Variants in PLXDC2 observed in about 807,000 individuals in gnomAD.
PLXDC2 encodes the protein plexin domain containing 2.
In PLXDC2, 40 loss-of-function variants were observed where a neutral mutation model predicts 68.9. That is an observed-to-expected ratio of 0.58 (90% CI 0.45 to 0.76). The LOEUF (loss-of-function observed/expected upper bound fraction) is 0.76, where lower values mean the gene tolerates loss of function less well. Ranked by LOEUF, PLXDC2 falls within the 30% of genes least tolerant of loss-of-function variation. PLXDC2 has a pLI of 0.00. For synonymous variants in PLXDC2, 243 were observed against 234.2 expected (o/e 1.04, Z -0.34); for missense variants, 644 against 661.9 (o/e 0.97, Z 0.30).
intron 1 of PLXDC2, among the ~76,000 whole-genome samples, chr10:19,858,154 T>C (rs1329866299): frequency 6.6e-6 from 1 of 152,078 alleles, no homozygotes; most frequent in Non-Finnish European, 1.5e-5. Context: ...CAAGAACAGT[T>C]TAGAGTTGCT....
chr10:19,846,752 C>G, intron 1 of PLXDC2, among the ~76,000 whole-genome samples: 1 of 152,142 alleles, frequency 6.6e-6, no homozygotes, highest in East Asian at 1.9e-4. Context: ...CATAGTTGAT[C>G]TGGCATCAAG....
At chr10:20,263,820 CAG>C (rs1404975455) in intron 13 of PLXDC2, among the ~76,000 whole-genome samples, 1 of 152,126 alleles carries the variant, frequency 6.6e-6, no homozygotes, top group Admixed American at 6.6e-5. Flanking sequence ...CAAAAAATAA[CAG>C]ATGCTGGTGA....
At chr10:20,034,033 G>A (rs981312721) in intron 2 of PLXDC2, among the ~76,000 whole-genome samples, 13 of 152,214 alleles carry the variant, frequency 8.5e-5, no homozygotes, top group Non-Finnish European at 1.6e-4. Flanking sequence ...TGTGCAAGAC[G>A]TGAAAAAGTT....
intron 4 of PLXDC2, among the ~76,000 whole-genome samples, chr10:20,124,006 G>GC (rs1257925439): frequency 1.5e-4 from 22 of 151,682 alleles, no homozygotes; most frequent in Non-Finnish European, 2.8e-4. Context: ...GGGGTTTCTT[G>GC]CCCCCCAGAA....
chr10:20,113,004 T>A (rs1174765025), intron 4 of PLXDC2, among the ~76,000 whole-genome samples: 2 of 152,258 alleles, frequency 1.3e-5, no homozygotes, highest in African/African-American at 2.4e-5. Flanking sequence ...TGCATCTTCA[T>A]CTTATCAGGT....
In PLXDC2 at chr10:19,987,854, T is replaced by C. The variant is rs187315722; in HGVS notation, c.113-13921T>C. ...AAGTGCTGGGATTACAGGCGTGAGC[T>C]ACCGCGCCCAGCCGATGTTATTTGT... is the stretch of plus-strand genomic sequence containing the variant. On this transcript the variant is annotated intron_variant, in intron 1 of 13. Transcript: ENST00000377252. Among the ~76,000 whole-genome samples the C allele has an allele frequency of 4.0e-3, 610 of 152,228 alleles. 7 individuals carry two copies. Among genetic ancestry groups the C allele is most frequent in the East Asian group, 0.015 (80 of 5,174 alleles).
intron 1 of PLXDC2, among the ~76,000 whole-genome samples, chr10:19,833,168 T>C (rs1369753316): frequency 6.6e-6 from 1 of 152,172 alleles, no homozygotes; most frequent in Non-Finnish European, 1.5e-5. Flanking sequence ...TTAATCTCAT[T>C]AAGTGTTGGT....
chr10:19,864,753 G>A (rs1339670205), intron 1 of PLXDC2, among the ~76,000 whole-genome samples: 1 of 152,192 alleles, frequency 6.6e-6, no homozygotes, highest in Admixed American at 6.5e-5. Context: ...GAGAGCACAG[G>A]TAAGTGGACT....
intron 12 of PLXDC2, among the ~76,000 whole-genome samples, chr10:20,224,261 A>G (rs1835257092): frequency 6.6e-6 from 1 of 152,152 alleles, no homozygotes; most frequent in African/African-American, 2.4e-5. Context: ...GGTGTGAGCC[A>G]CTGCACCCGG....
Position 20,158,337 on chromosome 10 carries a change from T to C in PLXDC2, c.784-6131T>C, listed in dbSNP as rs1375197853. Reference sequence around the variant, plus strand: ...GATCATGACAATAACATGTTCATTCTTGTGCTAATTTGCCCAATACTTCTA... The same window carrying C: ...GATCATGACAATAACATGTTCATTCCTGTGCTAATTTGCCCAATACTTCTA... On this transcript the variant is annotated intron_variant, in intron 6 of 13. Transcript: ENST00000377252. Among the ~76,000 whole-genome samples, 3 of 152,186 alleles carry C rather than the reference T, an allele frequency of 2.0e-5. No individual in the cohort carries two copies. The East Asian group carries it at 5.8e-4, about 29-fold the overall frequency.
intron 13 of PLXDC2, among the ~76,000 whole-genome samples, chr10:20,262,824 T>C (rs1040765734): frequency 1.1e-4 from 17 of 152,162 alleles, no homozygotes; most frequent in East Asian, 5.8e-4. Context: ...GACTGTTAGG[T>C]GGGGCCCATT....
At chr10:20,011,115 A>T (rs2131644241) in intron 2 of PLXDC2, among the ~76,000 whole-genome samples, 1 of 152,298 alleles carries the variant, frequency 6.6e-6, no homozygotes, top group African/African-American at 2.4e-5. Context: ...TTGATTTTTT[A>T]AAATCATGTT....
intron 1 of PLXDC2, among the ~76,000 whole-genome samples, chr10:19,872,614 G>T (rs1325514814): frequency 4.6e-5 from 7 of 152,184 alleles, no homozygotes; most frequent in Non-Finnish European, 1.0e-4. Flanking sequence ...GACAAATGTG[G>T]TTCGGAGTTT....
intron 9 of PLXDC2, among the ~76,000 whole-genome samples, chr10:20,191,745 A>G (rs1834768641): frequency 6.6e-6 from 1 of 152,096 alleles, no homozygotes; most frequent in Admixed American, 6.6e-5. Flanking sequence ...AACATGGCAC[A>G]TGTATACATA....
chr10:19,895,251 C>G (rs897789891), intron 1 of PLXDC2, among the ~76,000 whole-genome samples: 1 of 152,068 alleles, frequency 6.6e-6, no homozygotes, highest in Admixed American at 6.6e-5. Context: ...AGGGGACAAA[C>G]CAGCCCAGCA....
At chr10:19,832,439 A>G (rs1836711202) in intron 1 of PLXDC2, among the ~76,000 whole-genome samples, 3 of 152,228 alleles carry the variant, frequency 2.0e-5, no homozygotes, top group South Asian at 4.1e-4. Flanking sequence ...CCTAGCCATT[A>G]TATCTCATAT....
At chr10:20,126,002 A>G (rs1034547272) in intron 4 of PLXDC2, among the ~76,000 whole-genome samples, 4 of 148,534 alleles carry the variant, frequency 2.7e-5, no homozygotes, top group African/African-American at 7.3e-5. Context: ...CACACAACCT[A>G]TTATACAAAC....
rs367888198 is a variant in PLXDC2, at chr10:20,121,330, T to C, written c.542-21965T>C. ...GGCTACAGGGTGTGGTCCTGGCTCT[T>C]GTATAAGAATTCTGACCGCACTAAC... On this transcript the variant is annotated intron_variant, in intron 4 of 13. Coordinates refer to ENST00000377252, the MANE Select transcript of PLXDC2 (RefSeq NM_032812.9). Among the ~76,000 whole-genome samples, 17 of 152,252 alleles carry C rather than the reference T, an allele frequency of 1.1e-4. No individual in the cohort carries two copies. The East Asian group carries it at 3.3e-3, about 30-fold the overall frequency.
chr10:19,959,299 A>G (rs1366125005), intron 1 of PLXDC2, among the ~76,000 whole-genome samples: 1 of 152,214 alleles, frequency 6.6e-6, no homozygotes, highest in Non-Finnish European at 1.5e-5. Context: ...GTTTCTGAGA[A>G]ACACATTTCT....
Sources: gnomAD v4.1 joint callset for allele counts (sites outside exome capture counted in the v4.1 genomes callset) on GRCh38, gnomAD v4.1.1 for gene constraint, MANE v1.5 for transcripts, NCBI Gene and HGNC (gene_info 2026-07-23, HGNC 2026-07-21) for gene names.